ELAVL2: variants seen among roughly 807,000 people sequenced by gnomAD.
ELAVL2 encodes the protein ELAV like RNA binding protein 2, also known as ELAV-like protein 2.
Under a neutral mutation model 34.6 loss-of-function variants are expected in ELAVL2, and 4 were observed. That is an observed-to-expected ratio of 0.12 (90% CI 0.06 to 0.26). The LOEUF is 0.26. Among genes scored for constraint, ELAVL2 ranks in the 10% least tolerant of loss-of-function variants. ELAVL2 has a pLI of 1.00. For missense variants in ELAVL2, 432 were observed against 442.8 expected (o/e 0.98, Z 0.22); for synonymous variants, 193 against 154.8 (o/e 1.25, Z -1.83).
At position 23,765,859 on chromosome 9, in the gene ELAVL2, G is replaced by C. The variant is rs1178244789; in HGVS notation, c.-15-3610C>G. On this transcript the variant is annotated intron_variant, in intron 1 of 6. Coordinates refer to ENST00000397312, the MANE Select transcript of ELAVL2 (RefSeq NM_004432.5). ...TTTTAATATGTAAATTGTAAACCCA[G>C]CACGATTTGAAATTAGTGCTGCTAT... is the stretch of plus-strand genomic sequence containing the variant. Among the ~76,000 whole-genome samples the C allele has an allele frequency of 3.9e-5, 6 of 152,100 alleles. No homozygotes were observed. The East Asian group carries it at 1.2e-3, about 29-fold the overall frequency.
In ELAVL2 at chr9:23,691,414, C is replaced by CG. The variant is rs1359962649; in HGVS notation, c.*1142dup. Reference sequence around the variant, plus strand: ...TTGCTGCAGTACAAATCATGTGCAACGTCTTTTTTCCTTAAGACAAAACAA... The same window carrying CG: ...TTGCTGCAGTACAAATCATGTGCAACGGTCTTTTTTCCTTAAGACAAAACAA... On this transcript the variant is annotated 3_prime_UTR_variant, in exon 7 of 7. Transcript: ENST00000397312. 1 of 152,516 alleles carries CG rather than the reference C, an allele frequency of 6.6e-6. No individual in the cohort carries two copies. Among genetic ancestry groups the CG allele is most frequent in the Non-Finnish European group, 1.5e-5 (1 of 67,982 alleles). 9.4% of individuals were successfully genotyped at this position (152,516 alleles called of 1,614,324 possible). A position where few individuals can be genotyped will look rare whatever the true frequency, so the allele number is the denominator to read the frequency against.
intron 3 of ELAVL2, among the ~76,000 whole-genome samples, chr9:23,722,969 T>A (rs1277062302): frequency 6.6e-6 from 1 of 152,168 alleles, no homozygotes; most frequent in Non-Finnish European, 1.5e-5. Flanking sequence ...AGCACCACTT[T>A]TCCCAGGTGA....
rs765541452 is a variant in ELAVL2, at chr9:23,701,616, T to A, written c.488-12A>T. The A allele has an allele frequency of 3.7e-6, 6 of 1,611,344 alleles. No individual in the cohort carries two copies. The highest frequency in any genetic ancestry group is 1.7e-4 in the Middle Eastern group (1 of 6,034). ...ACCCCTTGATATGCCTATGGTAGAT[T>A]TGAGTAAAGATTTGGAAAAGAGGGA... On this transcript the variant is annotated splice_polypyrimidine_tract_variant and intron_variant, in intron 4 of 6. Coordinates refer to ENST00000397312, the MANE Select transcript of ELAVL2 (RefSeq NM_004432.5).
At chr9:23,847,182 T>A in the ELAVL2 span, 1 of 152,146 alleles carries the variant, frequency 6.6e-6, no homozygotes, top group African/African-American at 2.4e-5. Flanking sequence ...ATACTACATT[T>A]AATACCAATT....
At chr9:23,762,334 C>G in intron 1 of ELAVL2, 85 bp from the exon 2 acceptor site, 1 of 1,511,828 alleles carries the variant, frequency 6.6e-7, no homozygotes, top group Non-Finnish European at 8.9e-7. Flanking sequence ...ACACTTGTCA[C>G]TAAACACAAG....
chr9:23,699,827 T>A (rs1299229108), intron 5 of ELAVL2, among the ~76,000 whole-genome samples: 2 of 42,550 alleles, frequency 4.7e-5, no homozygotes, highest in African/African-American at 1.8e-4. Flanking sequence ...TTTTTTTTTT[T>A]TTTTTTTTTT....
At chr9:23,775,152 T>C (rs559563080) in intron 1 of ELAVL2, among the ~76,000 whole-genome samples, 1 of 152,306 alleles carries the variant, frequency 6.6e-6, no homozygotes, top group East Asian at 1.9e-4. Context: ...ATCCAACGAA[T>C]CCTACAACTA....
intron 1 of ELAVL2, chr9:23,764,980 C>G (rs1471005440): frequency 2.5e-6 from 4 of 1,605,128 alleles, no homozygotes; most frequent in Non-Finnish European, 3.4e-6. Flanking sequence ...AAAAAGTAGC[C>G]TACAGAATTT....
intron 4 of ELAVL2, among the ~76,000 whole-genome samples, chr9:23,703,405 TA>T (rs2133264060): frequency 6.6e-6 from 1 of 152,342 alleles, no homozygotes; most frequent in Non-Finnish European, 1.5e-5. Context: ...GGTGGCAATG[TA>T]TAAGTATTAT....
intron 1 of ELAVL2, among the ~76,000 whole-genome samples, chr9:23,776,739 CAAA>C (rs34583759): frequency 6.3e-4 from 49 of 77,702 alleles, no homozygotes; most frequent in African/African-American, 1.5e-3. Flanking sequence ...AGTTTGCTAT[CAAA>C]AAAAAAAAAA....
chr9:23,801,986 G>T (rs2061619014), intron 1 of ELAVL2, among the ~76,000 whole-genome samples: 1 of 152,186 alleles, frequency 6.6e-6, no homozygotes, highest in South Asian at 2.1e-4. Flanking sequence ...GCGGGAAGCT[G>T]AAATAAATAC....
intron 3 of ELAVL2, among the ~76,000 whole-genome samples, chr9:23,716,560 A>G (rs2042356112): frequency 6.6e-6 from 1 of 152,168 alleles, no homozygotes; most frequent in Non-Finnish European, 1.5e-5. Context: ...GAGCACACAG[A>G]GCAGGTCTTC....
At chr9:23,704,652 A>G (rs1453526723) in intron 4 of ELAVL2, among the ~76,000 whole-genome samples, 1 of 152,206 alleles carries the variant, frequency 6.6e-6, no homozygotes, top group African/African-American at 2.4e-5. Context: ...TGAAGATTAT[A>G]GCATCTATAA....
At position 23,691,329 on chromosome 9, in the gene ELAVL2, C is replaced by G. The variant is rs1244338867; in HGVS notation, c.*1228G>C. The G allele has an allele frequency of 6.6e-6, 1 of 152,580 alleles. No individual in the cohort carries two copies. The highest frequency in any genetic ancestry group is 6.5e-5 in the Admixed American group (1 of 15,274). 9.5% of individuals were successfully genotyped at this position (152,580 alleles called of 1,614,324 possible). Reference sequence around the variant, plus strand: ...ACATTACACAAAGCTCAGGTGTTAGCCTTGAACGTAACTTTCAAAATACCT... The same window carrying G: ...ACATTACACAAAGCTCAGGTGTTAGGCTTGAACGTAACTTTCAAAATACCT... On this transcript the variant is annotated 3_prime_UTR_variant, in exon 7 of 7. Coordinates refer to ENST00000397312, the MANE Select transcript of ELAVL2 (RefSeq NM_004432.5).
At chr9:23,771,715 A>G (rs1033392225) in intron 1 of ELAVL2, among the ~76,000 whole-genome samples, 1 of 152,206 alleles carries the variant, frequency 6.6e-6, no homozygotes, top group African/African-American at 2.4e-5. Flanking sequence ...ATTCAAAGTA[A>G]AATAGCTCAA....
intron 2 of ELAVL2, among the ~76,000 whole-genome samples, chr9:23,734,860 T>C (rs139351058): frequency 2.0e-4 from 31 of 151,952 alleles, no homozygotes; most frequent in Non-Finnish European, 3.1e-4. Context: ...CCCACTCTTA[T>C]ATTCATCAGT....
chr9:23,765,614 C>T (rs941597006), intron 1 of ELAVL2, among the ~76,000 whole-genome samples: 1 of 152,108 alleles, frequency 6.6e-6, no homozygotes, highest in Non-Finnish European at 1.5e-5. Context: ...GATCCTTAAT[C>T]CTGGGACTTA....
At chr9:23,750,394 A>C (rs533025789) in intron 2 of ELAVL2, among the ~76,000 whole-genome samples, 1 of 152,268 alleles carries the variant, frequency 6.6e-6, no homozygotes, top group South Asian at 2.1e-4. Flanking sequence ...AATATGTATA[A>C]AAGGGCTTAC....
chr9:23,746,529 G>A (rs562438562), intron 2 of ELAVL2, among the ~76,000 whole-genome samples: 1 of 152,136 alleles, frequency 6.6e-6, no homozygotes, highest in African/African-American at 2.4e-5. Context: ...AGAACAGAGA[G>A]GTGAGTCATC....
Sources: allele counts gnomAD v4.1 joint callset (sites outside exome capture counted in the v4.1 genomes callset), GRCh38; gene constraint gnomAD v4.1.1; transcripts MANE v1.5; gene names NCBI Gene and HGNC (gene_info 2026-07-23, HGNC 2026-07-21).